The following ZNF174 variants were observed in gnomAD, a reference collection of about 807,000 sequenced individuals.
The protein encoded by ZNF174 is AW-1.
In ZNF174, 30 loss-of-function variants were observed where a neutral mutation model predicts 38.7. The observed-to-expected ratio is 0.78, with a 90% CI of 0.58 to 1.05. The LOEUF is 1.05. ZNF174 is among the 50% of genes least tolerant of loss of function. The pLI, the probability that ZNF174 is intolerant of heterozygous loss-of-function variation, is 0.00. For missense variants in ZNF174, 499 were observed against 495.6 expected (o/e 1.01, Z -0.06); for synonymous variants, 201 against 181.7 (o/e 1.11, Z -0.86).
At chr16:3,405,150 C>T (rs1199200788) in intron 2 of ZNF174, 1 of 1,321,262 alleles carries the variant, frequency 7.6e-7, no homozygotes, top group African/African-American at 1.5e-5. Context: ...CTACACAGTC[C>T]TGTGATCTCT....
rs750032176 is a variant in ZNF174 at position 3,408,779 on chromosome 16, T to C, written c.1084T>C (p.Cys362Arg). Residue 362 changes from cysteine (C) to arginine (R), a missense_variant, in exon 3 of 3, where the codon TGC becomes CGC. Transcript: ENST00000268655. ...RPYTCGECGN[C>R]FGRQSTLKLH... is the part of the protein sequence containing the mutation. ...CTACACGTGCGGAGAGTGTGGAAAC[T>C]GCTTTGGGCGGCAGTCAACCCTGAA... 2.5e-6 allele frequency: 4 copies of C among 1,613,996 alleles called. No homozygotes were observed. In the South Asian group the frequency reaches 4.4e-5, roughly 18 times the overall value.
At chr16:3,408,193 C>A in intron 2 of ZNF174, 128 bp from the exon 3 acceptor site, 1 of 871,780 alleles carries the variant, frequency 1.1e-6, no homozygotes, top group Non-Finnish European at 1.8e-6. Context: ...ACAAGTGCTC[C>A]AGATGAGTCT....
rs749159685 is a variant in ZNF174, at chr16:3,408,845, T to C, written c.1150T>C (p.Cys384Arg). ...RIHTGEKPYQCGQCGKSFRQS... is the reference protein window; with the variant it reads ...RIHTGEKPYQRGQCGKSFRQS... The stretch of plus-strand genomic sequence containing the variant: ...CCACACTGGAGAGAAGCCATACCAG[T>C]GTGGCCAGTGTGGGAAAAGCTTTCG... Residue 384 changes from cysteine (C) to arginine (R), a missense_variant, in exon 3 of 3, where the codon TGT becomes CGT. Physicochemically the swap from Cys to Arg is radical, Grantham distance 180. Transcript: ENST00000268655. 1 of 1,614,096 alleles carries C rather than the reference T, an allele frequency of 6.2e-7. No homozygotes were observed.
rs898408457 is a variant in ZNF174, at chr16:3,401,858, A to C, written c.-147A>C. 5.8e-5 allele frequency: 58 copies of C among 992,098 alleles called. No homozygotes were observed. The highest frequency in any genetic ancestry group is 8.0e-5 in the Non-Finnish European group (54 of 677,592). 61.5% of individuals were successfully genotyped at this position (992,098 alleles called of 1,614,324 possible). On this transcript the variant is annotated 5_prime_UTR_variant, in exon 1 of 3. Transcript: ENST00000268655. ...TTTGGCTAGTAAAGGCTAGCAAGTG[A>C]GGCTTTGTCTCTGCATCCCGTTCCC...
At chr16:3,408,278 T>C in intron 2 of ZNF174, 43 bp from the exon 3 acceptor site, 2 of 1,520,756 alleles carry the variant, frequency 1.3e-6, no homozygotes, top group South Asian at 2.6e-5. Flanking sequence ...TGAAGTTATT[T>C]CTTCCAAGTG....
Position 3,409,324 on chromosome 16 carries a change from A to T in ZNF174, c.*405A>T, listed in dbSNP as rs2034096725. ...CTGTCATACCAGACAATTTTTTATCATGAGCACACTTCTTTAATAAAGATG... is the reference window on the plus strand; with the variant it reads ...CTGTCATACCAGACAATTTTTTATCTTGAGCACACTTCTTTAATAAAGATG... On this transcript the variant is annotated 3_prime_UTR_variant, in exon 3 of 3. Transcript: ENST00000268655. The T allele has an allele frequency of 5.9e-6, 1 of 170,848 alleles. No homozygotes were observed. Among genetic ancestry groups the T allele is most frequent in the African/African-American group, 2.4e-5 (1 of 41,912 alleles). 10.6% of individuals were successfully genotyped at this position (170,848 alleles called of 1,614,324 possible). A position where few individuals can be genotyped will look rare whatever the true frequency, so the allele number is the denominator to read the frequency against.
At chr16:3,405,908 T>C (rs753033801) in intron 2 of ZNF174, among the ~76,000 whole-genome samples, 7 of 152,080 alleles carry the variant, frequency 4.6e-5, no homozygotes, top group Admixed American at 6.6e-5. Flanking sequence ...TTGGGGGAGC[T>C]GAGGCAGGAG....
intron 1 of ZNF174, 40 bp from the exon 2 acceptor site, chr16:3,404,386 G>T (rs776514097): frequency 1.3e-6 from 2 of 1,556,558 alleles, no homozygotes; most frequent in South Asian, 1.2e-5. Flanking sequence ...GCTTCCCTCA[G>T]TCCTGATGGA....
Position 3,402,329 on chromosome 16 carries a change from C to T in ZNF174, c.325C>T (p.Arg109Ter). 6.2e-6 allele frequency: 10 copies of T among 1,614,012 alleles called. No homozygotes were observed. Among genetic ancestry groups the T allele is most frequent in the Non-Finnish European group, 7.6e-6 (9 of 1,180,010 alleles). The change falls in exon 1 of 3, where the codon CGA becomes TGA. Residue 109 changes from arginine (R) to a stop codon, truncating the protein, a stop_gained. Transcript: ENST00000268655. LOFTEE classifies it high-confidence loss of function. Reference protein sequence around the residue: ...PPEIQARVRHRCPMSSKEIVT... With the variant: ...PPEIQARVRH Reference sequence around the variant, plus strand: ...GGAGATCCAGGCTCGGGTCAGGCATCGATGTCCAATGAGCAGCAAGGAGAT... The same window carrying T: ...GGAGATCCAGGCTCGGGTCAGGCATTGATGTCCAATGAGCAGCAAGGAGAT...
At chr16:3,407,023 G>T (rs546162310) in intron 2 of ZNF174, among the ~76,000 whole-genome samples, 1 of 152,244 alleles carries the variant, frequency 6.6e-6, no homozygotes, top group East Asian at 1.9e-4. Flanking sequence ...ATCTGATCAG[G>T]CTCTTACAAC....
At chr16:3,405,132 GC>G in intron 2 of ZNF174, 2 of 1,410,928 alleles carry the variant, frequency 1.4e-6, no homozygotes, top group South Asian at 3.0e-5. Context: ...GTAACTGCTG[GC>G]CTTGTTCTAC....
At chr16:3,405,051 G>A in intron 2 of ZNF174, 1 of 1,582,842 alleles carries the variant, frequency 6.3e-7, no homozygotes, top group Non-Finnish European at 8.6e-7. Flanking sequence ...TTATATCTTT[G>A]TCCTCCTCTG....
intron 1 of ZNF174, 143 bp from the exon 2 acceptor site, chr16:3,404,283 G>A: frequency 1.3e-6 from 1 of 789,490 alleles, no homozygotes; most frequent in Non-Finnish European, 2.0e-6. Context: ...TACTTCCTTT[G>A]AGGGTTTCAG....
Position 3,404,542 on chromosome 16 carries a change from C to T in ZNF174, c.519C>T (p.Ser173=). 6.2e-7 allele frequency: 1 copy of T among 1,614,208 alleles called. No individual in the cohort carries two copies. The highest frequency in any genetic ancestry group is 8.5e-7 in the Non-Finnish European group (1 of 1,180,032). ...PQTPRRDLRE[S]SPAEPSQAGA... ...CTCCTAGGAGAGATCTCAGGGAGAG[C>T]TCTCCAGCAGAGCCTTCCCAGGCAG... Residue 173 remains serine (S), a synonymous_variant, in exon 2 of 3, where the codon AGC becomes AGT. Transcript: ENST00000268655.
chr16:3,404,296 G>A (rs996828016), intron 1 of ZNF174, 130 bp from the exon 2 acceptor site: 8 of 887,320 alleles, frequency 9.0e-6, no homozygotes, highest in Non-Finnish European at 1.2e-5. Context: ...GGTTTCAGTG[G>A]TTTCTATGAA....
At position 3,409,103 on chromosome 16, in the gene ZNF174, T is replaced by C. The variant is rs1378068236; in HGVS notation, c.*184T>C. The C allele has an allele frequency of 1.7e-5, 11 of 645,656 alleles. No individual in the cohort carries two copies. The highest frequency in any genetic ancestry group is 1.5e-4 in the Admixed American group (5 of 33,842). 40.0% of individuals were successfully genotyped at this position (645,656 alleles called of 1,614,324 possible). ...CCAACCAGGGCCCAACCGTGCATGATGACAGGGTGAAGAGAAGGCAGGTCT... is the reference window on the plus strand; with the variant it reads ...CCAACCAGGGCCCAACCGTGCATGACGACAGGGTGAAGAGAAGGCAGGTCT... On this transcript the variant is annotated 3_prime_UTR_variant, in exon 3 of 3. Coordinates refer to ENST00000268655, the MANE Select transcript of ZNF174 (RefSeq NM_003450.3).
In ZNF174 at chr16:3,408,332, A is replaced by G; in HGVS notation, c.637A>G (p.Met213Val). The G allele has an allele frequency of 6.3e-7, 1 of 1,583,420 alleles. No homozygotes were observed. Among genetic ancestry groups the G allele is most frequent in the Non-Finnish European group, 8.6e-7 (1 of 1,166,466 alleles). The change falls in exon 3 of 3, where the codon ATG becomes GTG. Residue 213 changes from methionine to valine, a missense_variant. Coordinates refer to ENST00000268655, the MANE Select transcript of ZNF174 (RefSeq NM_003450.3). Reference protein sequence around the residue: ...PKLAGTEAPRMRSDNKENPQQ... With the variant: ...PKLAGTEAPRVRSDNKENPQQ... ...CTTTCTAATTATAGAGGCCCCCAGA[A>G]TGAGAAGTGACAACAAGGAAAATCC...
At position 3,404,518 on chromosome 16, in the gene ZNF174, T is replaced by C. The variant is rs748014912; in HGVS notation, c.495T>C (p.Thr165=). The C allele has an allele frequency of 6.2e-7, 1 of 1,614,174 alleles. No homozygotes were observed. The highest frequency in any genetic ancestry group is 8.5e-7 in the Non-Finnish European group (1 of 1,180,024). ...EQELPDFQPQ[T]PRRDLRESSP... ...AACTGCCAGACTTTCAACCGCAGAC[T>C]CCTAGGAGAGATCTCAGGGAGAGCT... Residue 165 remains threonine, a synonymous_variant, in exon 2 of 3, where the codon ACT becomes ACC. Coordinates refer to ENST00000268655, the MANE Select transcript of ZNF174 (RefSeq NM_003450.3).
At chr16:3,406,601 A>G (rs566790796) in intron 2 of ZNF174, among the ~76,000 whole-genome samples, 7 of 152,316 alleles carry the variant, frequency 4.6e-5, no homozygotes, top group Non-Finnish European at 1.0e-4. Flanking sequence ...ATATCTGTTC[A>G]GATCCTTTGG....
Sources: allele counts gnomAD v4.1 joint callset (sites outside exome capture counted in the v4.1 genomes callset), GRCh38; gene constraint gnomAD v4.1.1; transcripts MANE v1.5; gene names NCBI Gene and HGNC (gene_info 2026-07-23, HGNC 2026-07-21).